Variants in VPS13D observed in about 807,000 individuals in gnomAD.
VPS13D encodes the protein vacuolar protein sorting 13 homolog D.
Under a neutral mutation model 461.9 loss-of-function variants are expected in VPS13D, and 187 were observed. The observed-to-expected ratio is 0.40, with a 90% CI of 0.36 to 0.46. VPS13D has a LOEUF of 0.46. Among genes scored for constraint, VPS13D ranks in the 20% least tolerant of loss-of-function variants. The pLI is 0.60. For missense variants in VPS13D, 4,711 were observed against 5,364.9 expected, an observed-to-expected ratio of 0.88 and a Z score of 3.81; for synonymous variants, 1,951 against 1,986.3, an observed-to-expected ratio of 0.98 and a Z score of 0.47.
chr1:12,423,410 A>C (rs968860026), intron 65 of VPS13D, among the ~76,000 whole-genome samples: 3 of 152,242 alleles, frequency 2.0e-5, no homozygotes, highest in Non-Finnish European at 2.9e-5. Flanking sequence ...TAAAATAAAA[A>C]GCAAACCAAA....
chr1:12,300,939 T>C (rs991793500), intron 25 of VPS13D, among the ~76,000 whole-genome samples: 2 of 152,228 alleles, frequency 1.3e-5, no homozygotes, highest in African/African-American at 4.8e-5. Flanking sequence ...CTCGTTTTAG[T>C]GTGTCAGAAA....
At position 12,403,903 on chromosome 1, in the gene VPS13D, A is replaced by G. The variant is rs916135634; in HGVS notation, c.11960A>G (p.Asn3987Ser). The G allele has an allele frequency of 6.2e-6, 10 of 1,613,654 alleles. No homozygotes were observed. Among genetic ancestry groups the G allele is most frequent in the Non-Finnish European group, 8.5e-6 (10 of 1,179,904 alleles). ...GGTPIRYYFE[N>S]LKISIPQIKL... ...ACACCAATTCGATACTACTTTGAAA[A>G]TCTCAAAATCAGCATTCCTCAGATC... Residue 3987 changes from asparagine (N) to serine (S), a missense_variant, in exon 63 of 70, where the codon AAT becomes AGT. By Grantham distance (46) the Asn-to-Ser change is conservative. This residue lies in a region of VPS13D where 4,411 missense variants were observed against 4,937.8 expected (regional missense o/e 0.89). Coordinates refer to ENST00000620676, the MANE Select transcript of VPS13D (RefSeq NM_015378.4).
Position 12,257,016 on chromosome 1 carries a change from C to T in VPS13D, c.870C>T (p.Leu290=), listed in dbSNP as rs750604104. ...AATACCGGCAAATCATGGAATTCCTCAAGGAGCTGGAACGAAAGGAGAGGC... is the reference window on the plus strand; with the variant it reads ...AATACCGGCAAATCATGGAATTCCTTAAGGAGCTGGAACGAAAGGAGAGGC... ...QLQYRQIMEF[L]KELERKERQV... The change falls in exon 9 of 70, where the codon CTC becomes CTT. Residue 290 remains leucine, a synonymous_variant. Transcript: ENST00000620676. 1.2e-6 allele frequency: 2 copies of T among 1,614,102 alleles called. No individual in the cohort carries two copies. The highest frequency in any genetic ancestry group is 1.7e-5 in the Admixed American group (1 of 60,014).
chr1:12,414,848 G>A (rs549012233), intron 63 of VPS13D, among the ~76,000 whole-genome samples: 1 of 152,302 alleles, frequency 6.6e-6, no homozygotes, highest in East Asian at 1.9e-4. Context: ...GACACAAACT[G>A]ATAGTGTTTA....
chr1:12,500,864 A>G (rs1313972443), intron 68 of VPS13D, among the ~76,000 whole-genome samples: 2 of 150,716 alleles, frequency 1.3e-5, no homozygotes, highest in East Asian at 4.2e-4. Flanking sequence ...GGAGTTCAAG[A>G]CCAGCCTGAG....
intron 35 of VPS13D, among the ~76,000 whole-genome samples, chr1:12,324,957 A>C (rs1467246062): frequency 6.6e-6 from 1 of 152,214 alleles, no homozygotes; most frequent in East Asian, 1.9e-4. Context: ...CGATGGACTT[A>C]AAGCCAGGTC....
Position 12,309,218 on chromosome 1 carries a change from T to C in VPS13D, c.6650+577T>C, listed in dbSNP as rs955992223. 4.7e-5 allele frequency among the ~76,000 whole-genome samples: 7 copies of C among 148,976 alleles called. 1 individual carries two copies. Among genetic ancestry groups the C allele is most frequent in the Admixed American group, 2.0e-4 (3 of 15,028 alleles). Reference sequence around the variant, plus strand: ...TTGATTTGATCTTTTTTTTCTTTTTTTTTTTTTTTTTGAGATGGAGTCTCA... The same window carrying C: ...TTGATTTGATCTTTTTTTTCTTTTTCTTTTTTTTTTTGAGATGGAGTCTCA... On this transcript the variant is annotated intron_variant, in intron 27 of 69. Transcript: ENST00000620676.
intron 27 of VPS13D, 26 bp downstream of exon 27, chr1:12,308,667 A>G (rs781423530): frequency 1.3e-6 from 2 of 1,567,112 alleles, no homozygotes; most frequent in Admixed American, 1.7e-5. Flanking sequence ...TTTTTTTGAG[A>G]TGGAGTCTCG....
chr1:12,473,902 C>CT lies in VPS13D; in HGVS notation c.12662+13507dup, dbSNP rs1296802785. On this transcript the variant is annotated intron_variant, in intron 67 of 69. Transcript: ENST00000620676. This position sits in a 1 kb window ranked among gnomAD's most constrained non-coding sequence, Gnocchi z 4.2. Reference sequence around the variant, plus strand: ...CTGGGTGGAGGGACTCTCCTGGGCTCTGAGCCTTTGTGTGTGGGAACCGCA... The same window carrying CT: ...CTGGGTGGAGGGACTCTCCTGGGCTCTTGAGCCTTTGTGTGTGGGAACCGCA... Among the ~76,000 whole-genome samples the CT allele has an allele frequency of 1.3e-5, 2 of 152,162 alleles. No homozygotes were observed. The highest frequency in any genetic ancestry group is 4.8e-5 in the African/African-American group (2 of 41,432).
chr1:12,433,761 C>T (rs1261727822), intron 65 of VPS13D, among the ~76,000 whole-genome samples: 2 of 152,166 alleles, frequency 1.3e-5, no homozygotes, highest in Non-Finnish European at 2.9e-5. Context: ...GAGATAAGAG[C>T]GGCAGGGGAT....
intron 68 of VPS13D, among the ~76,000 whole-genome samples, chr1:12,504,866 C>T (rs1646083926): frequency 6.6e-6 from 1 of 152,152 alleles, no homozygotes; most frequent in African/African-American, 2.4e-5. Flanking sequence ...GGTGTGAGAG[C>T]ATCTGCCCGG....
Position 12,304,617 on chromosome 1 carries a change from C to T in VPS13D, c.6328C>T (p.Leu2110Phe). The change falls in exon 26 of 70, where the codon CTT becomes TTT. Residue 2110 changes from leucine (L) to phenylalanine (F), a missense_variant. Transcript: ENST00000620676. ...TTCCCAGGGGCAGTTCACGATGCCT[C>T]TTGCTGGAATGAGCCTAGGAAGCCT... ...THSQGQFTMP[L>F]AGMSLGSLKS... is the part of the protein sequence containing the mutation. 2 of 1,614,108 alleles carry T rather than the reference C, an allele frequency of 1.2e-6. No individual in the cohort carries two copies. Among genetic ancestry groups the T allele is most frequent in the Non-Finnish European group, 1.7e-6 (2 of 1,180,026 alleles).
chr1:12,402,792 G>A (rs1644597540), intron 62 of VPS13D: 1 of 152,180 alleles, frequency 6.6e-6, no homozygotes, highest in African/African-American at 2.4e-5. Flanking sequence ...ATAAGTTGCT[G>A]TAATAAATTT....
intron 24 of VPS13D, among the ~76,000 whole-genome samples, chr1:12,294,387 G>A (rs1642216483): frequency 6.6e-6 from 1 of 152,148 alleles, no homozygotes; most frequent in Non-Finnish European, 1.5e-5. Context: ...CACAGCAACC[G>A]CTGAAGACCC....
chr1:12,392,478 A>T (rs939442998), intron 60 of VPS13D, among the ~76,000 whole-genome samples: 23 of 146,006 alleles, frequency 1.6e-4, no homozygotes, highest in Non-Finnish European at 2.4e-4. Context: ...AGACTCTCTC[A>T]AAAAAAAAAA....
intron 67 of VPS13D, among the ~76,000 whole-genome samples, chr1:12,474,287 G>C (rs1478812655): frequency 6.6e-6 from 1 of 152,066 alleles, no homozygotes; most frequent in African/African-American, 2.4e-5. Flanking sequence ...AGCATTACGT[G>C]GTTTGGAAAG....
At chr1:12,409,674 T>C in intron 63 of VPS13D, among the ~76,000 whole-genome samples, 1 of 152,166 alleles carries the variant, frequency 6.6e-6, no homozygotes, top group East Asian at 1.9e-4. Context: ...TGTAAACACC[T>C]TGAAATATCA....
In VPS13D at chr1:12,505,797, G is replaced by C. The variant is rs145969545; in HGVS notation, c.12795-1056G>C. Among the ~76,000 whole-genome samples the C allele has an allele frequency of 6.5e-4, 99 of 152,344 alleles. No homozygotes were observed. In the Middle Eastern group the frequency reaches 0.01, roughly 16 times the overall value. ...CTTGCGGGGAGGGGGATGGGATCTA[G>C]AGAAGTTGGGAGAGCAGGTGTGCGT... On this transcript the variant is annotated intron_variant, in intron 68 of 69. Coordinates refer to ENST00000620676, the MANE Select transcript of VPS13D (RefSeq NM_015378.4). The surrounding 1 kb of genome is among the most constrained non-coding windows in gnomAD (Gnocchi z 4.2).
intron 57 of VPS13D, among the ~76,000 whole-genome samples, chr1:12,381,985 T>A (rs900364698): frequency 6.8e-6 from 1 of 147,058 alleles, no homozygotes; most frequent in Non-Finnish European, 1.5e-5. Context: ...TTTCTTTCTC[T>A]CTCTCTCTCT....
Sources: gnomAD v4.1 joint callset for allele counts (sites outside exome capture counted in the v4.1 genomes callset) on GRCh38, gnomAD v4.1.1 for gene constraint, gnomAD v4.1.1 regional missense constraint, Gnocchi (gnomAD v3.1) non-coding constraint, MANE v1.5 for transcripts, NCBI Gene and HGNC (gene_info 2026-07-23, HGNC 2026-07-21) for gene names.